STRIP2: variants seen among roughly 807,000 people sequenced by gnomAD.
STRIP2 encodes striatin-interacting protein 2.
STRIP2 carries 84 observed loss-of-function variants against 107.1 expected under a neutral mutation model. That is an observed-to-expected ratio of 0.78 (90% CI 0.66 to 0.94). The LOEUF (loss-of-function observed/expected upper bound fraction) is 0.94, where lower values mean the gene tolerates loss of function less well. STRIP2 is among the 40% of genes least tolerant of loss of function. The probability of loss-of-function intolerance (pLI) is 0.00; values close to 1 mark genes in which losing one functional copy is unlikely to be tolerated. For missense variants in STRIP2, 888 were observed against 1,034.2 expected, an observed-to-expected ratio of 0.86 and a Z score of 1.94; for synonymous variants, 394 against 400.4, an observed-to-expected ratio of 0.98 and a Z score of 0.19.
At chr7:129,451,229 G>T (rs1016575014) in intron 3 of STRIP2, among the ~76,000 whole-genome samples, 4 of 152,078 alleles carry the variant, frequency 2.6e-5, no homozygotes, top group Non-Finnish European at 4.4e-5. Context: ...GTGAGCCACC[G>T]CACCCGGCCG....
chr7:129,456,146 TTTTC>T (rs1269985891), intron 8 of STRIP2, among the ~76,000 whole-genome samples: 22 of 108,176 alleles, frequency 2.0e-4, no homozygotes, highest in Admixed American at 6.2e-4. Context: ...AGTTTCTTTT[TTTTC>T]TTTTTTTTTT....
At chr7:129,463,068 CCTT>C in intron 14 of STRIP2, 28 bp downstream of exon 14, 1 of 1,578,296 alleles carries the variant, frequency 6.3e-7, no homozygotes, top group Non-Finnish European at 8.7e-7. Flanking sequence ...CCAGAGCTGC[CCTT>C]CTCTGCTGCA....
chr7:129,459,761 T>C (rs564871665), intron 12 of STRIP2, among the ~76,000 whole-genome samples, 181 bp downstream of exon 12: 1 of 152,348 alleles, frequency 6.6e-6, no homozygotes, highest in South Asian at 2.1e-4. Flanking sequence ...CTCAGTTTCC[T>C]ATATTCAGGT....
intron 18 of STRIP2, among the ~76,000 whole-genome samples, chr7:129,480,000 A>G (rs1233238601): frequency 1.3e-5 from 2 of 152,164 alleles, no homozygotes; most frequent in Non-Finnish European, 2.9e-5. Flanking sequence ...CTACTCCTAC[A>G]TTCTCCTATC....
chr7:129,472,816 T>TTGTGC (rs1798826252), intron 18 of STRIP2, among the ~76,000 whole-genome samples: 2 of 141,484 alleles, frequency 1.4e-5, no homozygotes, highest in Admixed American at 7.4e-5. Context: ...AGACAGAGTC[T>TTGTGC]TGTGCTGTCA....
chr7:129,475,333 TA>T (rs1419078932), intron 18 of STRIP2, among the ~76,000 whole-genome samples: 1 of 151,778 alleles, frequency 6.6e-6, no homozygotes, highest in Non-Finnish European at 1.5e-5. Flanking sequence ...GATATCTTTT[TA>T]TTTTTTTATT....
intron 1 of STRIP2, among the ~76,000 whole-genome samples, chr7:129,436,063 A>G (rs895063184): frequency 2.6e-5 from 4 of 152,044 alleles, no homozygotes; most frequent in African/African-American, 9.7e-5. Flanking sequence ...CTACTTCAAG[A>G]TGAGTCTGGT....
rs764169125 is a variant in STRIP2 at position 129,458,443 on chromosome 7, A to G, written c.1267A>G (p.Lys423Glu). ...AFPKGLPWAP[K>E]VRQKDIEHFL... ...TCCCAAGGGCCTGCCCTGGGCCCCA[A>G]AGGTCAGGTAGGTTTGATAGCATCA... The change falls in exon 10 of 21, where the codon AAG becomes GAG. Residue 423 changes from lysine (K) to glutamate (E), a missense_variant. By Grantham distance (56) the Lys-to-Glu change is moderately conservative. Transcript: ENST00000249344. This position sits in a 1 kb window ranked among gnomAD's most constrained non-coding sequence, Gnocchi z 4.6. 15 of 1,587,784 alleles carry G rather than the reference A, an allele frequency of 9.4e-6. No homozygotes were observed. In the South Asian group the frequency reaches 1.6e-4, roughly 17 times the overall value.
intron 13 of STRIP2, among the ~76,000 whole-genome samples, chr7:129,460,941 A>G (rs1798516564): frequency 6.6e-6 from 1 of 152,170 alleles, no homozygotes; most frequent in Admixed American, 6.5e-5. Context: ...GTCAAAGGGA[A>G]GGCAGCCTTT....
intron 18 of STRIP2, among the ~76,000 whole-genome samples, chr7:129,476,038 C>T (rs916127469): frequency 1.3e-4 from 20 of 152,144 alleles, no homozygotes; most frequent in African/African-American, 4.6e-4. Context: ...TGGACAAAAC[C>T]GCCATCGTCG....
Position 129,434,522 on chromosome 7 carries a change from A to G in STRIP2, c.50A>G (p.Asn17Ser). 6.6e-7 allele frequency: 1 copy of G among 1,518,558 alleles called. No individual in the cohort carries two copies. 94.1% of individuals were successfully genotyped at this position (1,518,558 alleles called of 1,614,324 possible). The change falls in exon 1 of 21, where the codon AAT (asparagine) becomes AGT (serine). Residue 17 changes from asparagine (N) to serine (S), a missense_variant. Physicochemically the swap from Asn to Ser is conservative, Grantham distance 46 (BLOSUM62 1). Coordinates refer to ENST00000249344, the MANE Select transcript of STRIP2 (RefSeq NM_020704.3). ...PGTGGPPANG[N>S]GNGGGKGKQA... ...ACCGGGGGCCCGCCCGCAAATGGCA[A>G]TGGCAACGGCGGCGGCAAAGGGAAG...
chr7:129,479,242 C>G (rs1799053333), intron 18 of STRIP2, among the ~76,000 whole-genome samples: 1 of 144,942 alleles, frequency 6.9e-6, no homozygotes, highest in South Asian at 2.2e-4. Context: ...CCACTGCACT[C>G]AAGTCTGGGC....
intron 18 of STRIP2, among the ~76,000 whole-genome samples, chr7:129,473,615 C>A (rs1195282006): frequency 6.6e-6 from 1 of 152,128 alleles, no homozygotes; most frequent in African/African-American, 2.4e-5. Context: ...AGCAATCTGC[C>A]CTCCTTGGCC....
At position 129,485,584 on chromosome 7, in the gene STRIP2, G is replaced by A; in HGVS notation, c.2260G>A (p.Asp754Asn). 2 of 1,613,558 alleles carry A rather than the reference G, an allele frequency of 1.2e-6. No homozygotes were observed. Among genetic ancestry groups the A allele is most frequent in the Middle Eastern group, 1.6e-4 (1 of 6,062 alleles). ...NDDWAYGNDI[D>N]ARPWDFQAEE... The stretch of plus-strand genomic sequence containing the variant: ...TTCCTCTCTTTCCAACACAGACATC[G>A]ATGCCAGACCATGGGACTTCCAAGC... The change falls in exon 21 of 21, where the codon GAT becomes AAT. Residue 754 changes from aspartate (D) to asparagine (N), a missense_variant. By Grantham distance (23) the Asp-to-Asn change is conservative (BLOSUM62 1). Transcript: ENST00000249344.
chr7:129,462,788 C>T (rs1798574869), intron 13 of STRIP2, among the ~76,000 whole-genome samples, 178 bp from the exon 14 acceptor site: 1 of 152,114 alleles, frequency 6.6e-6, no homozygotes, highest in Non-Finnish European at 1.5e-5. Flanking sequence ...AACTAGGACT[C>T]AGAAAAGGAA....
At chr7:129,482,377 ATTTTT>A (rs869099836) in intron 19 of STRIP2, among the ~76,000 whole-genome samples, 124 of 69,004 alleles carry the variant, frequency 1.8e-3, no homozygotes, top group African/African-American at 4.0e-3. Flanking sequence ...ATATATATAT[ATTTTT>A]TTTTTTTTTT....
At chr7:129,455,471 G>A in intron 8 of STRIP2, 100 bp downstream of exon 8, 6 of 1,463,706 alleles carry the variant, frequency 4.1e-6, no homozygotes, top group Non-Finnish European at 5.5e-6. Context: ...CCAGGGAGCA[G>A]AACAGGCAGC....
chr7:129,463,620 C>G (rs1271866623), intron 14 of STRIP2, among the ~76,000 whole-genome samples: 1 of 152,150 alleles, frequency 6.6e-6, no homozygotes, highest in Non-Finnish European at 1.5e-5. Context: ...CTCAGCCTCC[C>G]GAATAGCTGG....
At chr7:129,478,068 A>G (rs969073793) in intron 18 of STRIP2, 6 of 330,702 alleles carry the variant, frequency 1.8e-5, no homozygotes, top group African/African-American at 1.1e-4. Context: ...ATACGAAGAA[A>G]TAGTATCATC....
Sources: gnomAD v4.1 joint callset for allele counts (sites outside exome capture counted in the v4.1 genomes callset) on GRCh38, gnomAD v4.1.1 for gene constraint, Gnocchi (gnomAD v3.1) non-coding constraint, MANE v1.5 for transcripts, NCBI Gene and HGNC (gene_info 2026-07-23, HGNC 2026-07-21) for gene names.